Variants in SLC25A28 observed in about 807,000 individuals in gnomAD.
SLC25A28 encodes solute carrier family 25 member 28.
A neutral mutation model predicts 31.9 loss-of-function variants in SLC25A28; 10 were observed. The ratio of observed to expected loss-of-function variants is 0.31; its 90% CI spans 0.19 to 0.53. The LOEUF is 0.53. SLC25A28 is among the 20% of genes least tolerant of loss of function. The probability of loss-of-function intolerance (pLI) is 0.95; values close to 1 mark genes in which losing one functional copy is unlikely to be tolerated. For synonymous variants in SLC25A28, 208 were observed against 203.6 expected (o/e 1.02, Z -0.19); for missense variants, 256 against 490.3 (o/e 0.52, Z 4.51).
chr10:99,647,297 C>A, the SLC25A28 span, among the ~76,000 whole-genome samples: 1 of 152,128 alleles, frequency 6.6e-6, no homozygotes, highest in Non-Finnish European at 1.5e-5. Context: ...ATAATTGTTC[C>A]CCTTTTTCCA....
chr10:99,643,115 T>A, the SLC25A28 span, among the ~76,000 whole-genome samples: 1 of 152,172 alleles, frequency 6.6e-6, no homozygotes, highest in African/African-American at 2.4e-5. Flanking sequence ...CTTTTTCTAT[T>A]GATTGGAATA....
chr10:99,631,887 T>A, the SLC25A28 span, among the ~76,000 whole-genome samples: 41 of 99,792 alleles, frequency 4.1e-4, 2 homozygotes, highest in East Asian at 2.8e-3. Context: ...TATTTTTTTT[T>A]TTTATTTTTT....
chr10:99,620,475 C>A, upstream of SLC25A28: 1 of 1,045,642 alleles, frequency 9.6e-7, no homozygotes, highest in Non-Finnish European at 1.1e-6. Context: ...CGCGGACACG[C>A]CCCCCAAGCA....
chr10:99,650,458 T>C, the SLC25A28 span, among the ~76,000 whole-genome samples: 1 of 152,110 alleles, frequency 6.6e-6, no homozygotes. Flanking sequence ...CTGGTTTCCC[T>C]GTCTGTTCTT....
chr10:99,626,769 A>G, the SLC25A28 span, among the ~76,000 whole-genome samples: 1 of 133,834 alleles, frequency 7.5e-6, no homozygotes, highest in Non-Finnish European at 1.6e-5. Context: ...TAAATATGGT[A>G]CAGTGGAGCA....
the SLC25A28 span, among the ~76,000 whole-genome samples, chr10:99,626,129 C>T: frequency 6.6e-6 from 1 of 152,326 alleles, no homozygotes; most frequent in South Asian, 2.1e-4. Context: ...ACCCCCTTCT[C>T]TGAACTGCCA....
the SLC25A28 span, among the ~76,000 whole-genome samples, chr10:99,658,827 ACG>A: frequency 2.6e-5 from 4 of 152,106 alleles, no homozygotes; most frequent in Non-Finnish European, 2.9e-5. Context: ...ACACACACCC[ACG>A]CGCGCGCGTC....
At chr10:99,634,690 T>C in the SLC25A28 span, among the ~76,000 whole-genome samples, 495 of 152,316 alleles carry the variant, frequency 3.2e-3, 3 homozygotes, top group African/African-American at 0.011. Flanking sequence ...CTGAGGAAGA[T>C]GAGAAATCTA....
the SLC25A28 span, among the ~76,000 whole-genome samples, chr10:99,639,121 A>G: frequency 6.6e-6 from 1 of 151,784 alleles, no homozygotes; most frequent in Non-Finnish European, 1.5e-5. Flanking sequence ...TATATTTCTC[A>G]ATAATATATA....
At chr10:99,639,133 A>T in the SLC25A28 span, among the ~76,000 whole-genome samples, 3 of 151,870 alleles carry the variant, frequency 2.0e-5, no homozygotes, top group Non-Finnish European at 4.4e-5. Context: ...TAATATATAT[A>T]TGAGGGAATA....
In SLC25A28 at chr10:99,610,745, A is replaced by G; in HGVS notation, c.*104T>C. On this transcript the variant is annotated 3_prime_UTR_variant, in exon 4 of 4. Transcript: ENST00000370495. Reference sequence around the variant, plus strand: ...CAAAATCCTGGGGGAGAGCCCCTCTACCTTCCTTCTAACTCCACTTGAGGT... The same window carrying G: ...CAAAATCCTGGGGGAGAGCCCCTCTGCCTTCCTTCTAACTCCACTTGAGGT... 1 of 1,425,208 alleles carries G rather than the reference A, an allele frequency of 7.0e-7. No individual in the cohort carries two copies. Among genetic ancestry groups the G allele is most frequent in the Non-Finnish European group, 9.5e-7 (1 of 1,049,812 alleles). 88.3% of individuals were successfully genotyped at this position (1,425,208 alleles called of 1,614,324 possible).
intron 2 of SLC25A28, 24 bp from the exon 3 acceptor site, chr10:99,612,623 A>G: frequency 4.3e-6 from 7 of 1,614,102 alleles, no homozygotes; most frequent in Non-Finnish European, 5.9e-6. Context: ...AACAACTGCC[A>G]CATGTAAGGC....
chr10:99,627,097 C>T, the SLC25A28 span, among the ~76,000 whole-genome samples: 16 of 152,016 alleles, frequency 1.1e-4, no homozygotes, highest in South Asian at 6.2e-4. Context: ...AAAAATTAGC[C>T]GGGCATGGTG....
chr10:99,627,569 T>G, the SLC25A28 span, among the ~76,000 whole-genome samples: 1 of 151,952 alleles, frequency 6.6e-6, no homozygotes, highest in East Asian at 1.9e-4. Flanking sequence ...GTCCCCCAAG[T>G]AGCTGGGACT....
chr10:99,658,690 T>A, the SLC25A28 span, among the ~76,000 whole-genome samples: 1 of 151,900 alleles, frequency 6.6e-6, no homozygotes, highest in Non-Finnish European at 1.5e-5. Context: ...GGAAGGCAAG[T>A]AGCGGCAGAG....
chr10:99,611,284 C>T lies in SLC25A28; in HGVS notation c.660G>A (p.Gly220=), dbSNP rs1293597346. ...TGTAGCTGCGGTAAAAGGCCCCGGC[C>T]CCTTCATTTTGCCACACTGCCCGTA... ...DCVRAVWQNE[G]AGAFYRSYTT... Residue 220 remains glycine (G), a synonymous_variant, in exon 4 of 4, where the codon GGG becomes GGA. Transcript: ENST00000370495. The surrounding 1 kb of genome is among the most constrained non-coding windows in gnomAD (Gnocchi z 5.5). 1 of 1,613,896 alleles carries T rather than the reference C, an allele frequency of 6.2e-7. No homozygotes were observed. Among genetic ancestry groups the T allele is most frequent in the Non-Finnish European group, 8.5e-7 (1 of 1,180,020 alleles).
At chr10:99,626,618 C>G in the SLC25A28 span, among the ~76,000 whole-genome samples, 2 of 152,190 alleles carry the variant, frequency 1.3e-5, no homozygotes, top group Non-Finnish European at 2.9e-5. Flanking sequence ...GGTTGTCAAA[C>G]AATCCTTGTG....
At chr10:99,648,791 A>G in the SLC25A28 span, among the ~76,000 whole-genome samples, 2 of 150,710 alleles carry the variant, frequency 1.3e-5, no homozygotes, top group Non-Finnish European at 2.9e-5. Context: ...ATTTCTGTAC[A>G]TTAATTTTGT....
the SLC25A28 span, among the ~76,000 whole-genome samples, chr10:99,653,035 C>T: frequency 6.6e-6 from 1 of 152,076 alleles, no homozygotes; most frequent in Non-Finnish European, 1.5e-5. Flanking sequence ...AGTTCCCTGA[C>T]CAAACTCATT....
Sources: allele counts gnomAD v4.1 joint callset (sites outside exome capture counted in the v4.1 genomes callset), GRCh38; gene constraint gnomAD v4.1.1; non-coding constraint Gnocchi (gnomAD v3.1); transcripts MANE v1.5; gene names NCBI Gene and HGNC (gene_info 2026-07-23, HGNC 2026-07-21).